The following LARS1 variants were observed in gnomAD, a reference collection of about 807,000 sequenced individuals.
LARS1 encodes the protein leucine--tRNA ligase, cytoplasmic.
A neutral mutation model predicts 162.8 loss-of-function variants in LARS1; 100 were observed. The observed-to-expected ratio is 0.61, with a 90% CI of 0.52 to 0.73. The LOEUF (loss-of-function observed/expected upper bound fraction) is 0.73. Ranked by LOEUF, LARS1 falls within the 30% of genes least tolerant of loss-of-function variation. LARS1 has a pLI of 0.00. For missense variants in LARS1, 1,258 were observed against 1,408.9 expected (o/e 0.89, Z 1.71); for synonymous variants, 457 against 462.8 (o/e 0.99, Z 0.16).
intron 20 of LARS1, among the ~76,000 whole-genome samples, chr5:146,140,499 T>C (rs1028533338): frequency 6.6e-6 from 1 of 152,126 alleles, no homozygotes; most frequent in African/African-American, 2.4e-5. Context: ...CGTATGGATA[T>C]AAAAAGATCT....
Position 146,179,893 on chromosome 5 carries a change from G to A in LARS1, c.7-2228C>T, listed in dbSNP as rs529121926. On this transcript the variant is annotated intron_variant, in intron 1 of 31. Transcript: ENST00000394434. ...GCTGACATTACAGGCTTGAGCCATCGCCTTTGGCCAACTTCCACTTTATTA... is the reference window on the plus strand; with the variant it reads ...GCTGACATTACAGGCTTGAGCCATCACCTTTGGCCAACTTCCACTTTATTA... Among the ~76,000 whole-genome samples the A allele has an allele frequency of 7.9e-5, 12 of 152,300 alleles. No homozygotes were observed. The South Asian group carries it at 1.7e-3, about 21-fold the overall frequency.
Position 146,129,106 on chromosome 5 carries a change from T to C in LARS1, c.2641A>G (p.Met881Val), listed in dbSNP as rs1240005730. The change falls in exon 26 of 32, where the codon ATG becomes GTG. Residue 881 changes from methionine (M) to valine (V), a missense_variant. Physicochemically the swap from Met to Val is conservative, Grantham distance 21. Transcript: ENST00000394434. ...WTLLGKPDSIMNASWPVAGPV... is the reference protein window; with the variant it reads ...WTLLGKPDSIVNASWPVAGPV... The stretch of plus-strand genomic sequence containing the variant: ...CCTGCCACAGGCCATGAAGCATTCA[T>C]AATTGAGTCAGGCTTTTAAAAAAAG... 4.4e-6 allele frequency: 7 copies of C among 1,583,762 alleles called. No homozygotes were observed. Among genetic ancestry groups the C allele is most frequent in the Non-Finnish European group, 6.0e-6 (7 of 1,169,774 alleles).
intron 30 of LARS1, among the ~76,000 whole-genome samples, chr5:146,120,927 G>A (rs555874859): frequency 6.6e-6 from 1 of 152,192 alleles, no homozygotes; most frequent in Non-Finnish European, 1.5e-5. Flanking sequence ...GCTAGTAAGT[G>A]GCAAGGTCAA....
chr5:146,139,716 C>CA (rs1166903224), intron 21 of LARS1: 8 of 151,650 alleles, frequency 5.3e-5, no homozygotes, highest in Admixed American at 6.6e-5. Context: ...ACTAAAAATA[C>CA]AAAAAAAAAT....
Position 146,177,628 on chromosome 5 carries a change from T to A in LARS1, c.44A>T (p.Lys15Met). The A allele has an allele frequency of 6.2e-7, 1 of 1,607,094 alleles. No individual in the cohort carries two copies. Among genetic ancestry groups the A allele is most frequent in the Middle Eastern group, 1.7e-4 (1 of 6,018 alleles). ...TTTCTGTTGGATTTCTTTCTCAATC[T>A]TCTTCAAAAAGTCCACTTTGGCTGT... ...KGTAKVDFLK[K>M]IEKEIQQKWD... Residue 15 changes from lysine (K) to methionine (M), a missense_variant, in exon 2 of 32, where the codon AAG becomes ATG. Lys to Met is a moderately conservative substitution (Grantham distance 95). Transcript: ENST00000394434.
chr5:146,163,300 T>C (rs903752378), intron 6 of LARS1, among the ~76,000 whole-genome samples: 1 of 152,218 alleles, frequency 6.6e-6, no homozygotes, highest in African/African-American at 2.4e-5. Context: ...ATCTTCTATA[T>C]GGACCAAACT....
intron 30 of LARS1, 42 bp downstream of exon 30, chr5:146,122,450 G>T: frequency 1.8e-6 from 2 of 1,103,416 alleles, no homozygotes; most frequent in Non-Finnish European, 2.8e-6. Flanking sequence ...GGTCTCTTCT[G>T]GTTTTAAAAT....
intron 23 of LARS1, 115 bp downstream of exon 23, chr5:146,132,783 A>C (rs1581021740): frequency 2.6e-6 from 2 of 763,756 alleles, no homozygotes; most frequent in Admixed American, 6.0e-5. Context: ...ACTAGCTATT[A>C]TTATCATTAG....
intron 8 of LARS1, among the ~76,000 whole-genome samples, chr5:146,158,335 T>C (rs1428755054): frequency 6.6e-6 from 1 of 152,198 alleles, no homozygotes; most frequent in Non-Finnish European, 1.5e-5. Context: ...TATTAAAACT[T>C]TACTGGGTCT....
chr5:146,144,188 C>G (rs1752910672), intron 18 of LARS1, 79 bp downstream of exon 18: 1 of 1,023,302 alleles, frequency 9.8e-7, no homozygotes, highest in African/African-American at 1.6e-5. Context: ...GAATTGAGGG[C>G]AGGGGGGAAA....
At position 146,153,828 on chromosome 5, in the gene LARS1, G is replaced by A. The variant is rs771510775; in HGVS notation, c.1154-18C>T. ...ACCAGTGCCTTAGAAAACAAAGTGT[G>A]GAATTAATAACTAGAACCAAAATGT... On this transcript the variant is annotated intron_variant, in intron 11 of 31. Transcript: ENST00000394434. 5.6e-6 allele frequency: 9 copies of A among 1,612,616 alleles called. No individual in the cohort carries two copies. The African/African-American group carries it at 1.1e-4, about 19-fold the overall frequency.
In LARS1 at chr5:146,182,487, C is replaced by A; in HGVS notation, c.6+1G>T. 1 of 1,613,952 alleles carries A rather than the reference C, an allele frequency of 6.2e-7. No homozygotes were observed. The highest frequency in any genetic ancestry group is 1.3e-5 in the African/African-American group (1 of 75,024). Reference sequence around the variant, plus strand: ...TGCGGATTCTTCTCGCTCAAACTCACCGCCATTGCACCGCCCAGCCGACTG... The same window carrying A: ...TGCGGATTCTTCTCGCTCAAACTCAACGCCATTGCACCGCCCAGCCGACTG... On this transcript the variant is annotated splice_donor_variant, in intron 1 of 31. Transcript: ENST00000394434. LOFTEE classifies it high-confidence loss of function.
chr5:146,165,039 A>G (rs1162815035), intron 5 of LARS1, among the ~76,000 whole-genome samples: 1 of 152,166 alleles, frequency 6.6e-6, no homozygotes, highest in East Asian at 1.9e-4. Context: ...TATACACCAC[A>G]AAGAGGAAAT....
intron 14 of LARS1, 144 bp downstream of exon 14, chr5:146,151,718 T>C: frequency 2.6e-6 from 2 of 782,368 alleles, no homozygotes; most frequent in Non-Finnish European, 3.9e-6. Flanking sequence ...AATTAGAAAT[T>C]TGGAAATAGA....
chr5:146,150,871 G>A (rs13164882), intron 14 of LARS1, among the ~76,000 whole-genome samples: 33,549 of 150,542 alleles, frequency 0.22, 4,784 homozygotes, highest in Admixed American at 0.34. Context: ...CCCGGAAGTT[G>A]GAGGCTGCAG....
intron 1 of LARS1, among the ~76,000 whole-genome samples, chr5:146,179,115 T>G (rs1754722740): frequency 6.6e-6 from 1 of 151,908 alleles, no homozygotes; most frequent in Admixed American, 6.6e-5. Flanking sequence ...GCCTATAATC[T>G]CAGCTACTCG....
At chr5:146,172,640 C>T (rs376464259) in intron 3 of LARS1, 47 bp downstream of exon 3, 38 of 1,094,702 alleles carry the variant, frequency 3.5e-5, no homozygotes, top group Non-Finnish European at 4.6e-5. Context: ...AAACAATATT[C>T]GTTAAAAACC....
intron 21 of LARS1, among the ~76,000 whole-genome samples, chr5:146,136,101 G>A (rs985832511): frequency 6.6e-6 from 1 of 152,220 alleles, no homozygotes; most frequent in African/African-American, 2.4e-5. Flanking sequence ...CACAAAAATC[G>A]GTTGTTCAAG....
chr5:146,128,711 C>A lies in LARS1; in HGVS notation c.2841G>T (p.Trp947Cys). ...GTAGAACAGACAGGGTGGTATGTTG[C>A]CAAGGTGGATAGTTCTTTGCCACAT... ...TIYVAKNYPP[W>C]QHTTLSVLRK... Residue 947 changes from tryptophan (W) to cysteine (C), a missense_variant, in exon 27 of 32, where the codon TGG becomes TGT. Physicochemically the swap from Trp to Cys is radical, Grantham distance 215. Transcript: ENST00000394434. 1 of 1,591,854 alleles carries A rather than the reference C, an allele frequency of 6.3e-7. No homozygotes were observed. The highest frequency in any genetic ancestry group is 1.2e-5 in the South Asian group (1 of 86,710).
Sources: allele counts gnomAD v4.1 joint callset (sites outside exome capture counted in the v4.1 genomes callset), GRCh38; gene constraint gnomAD v4.1.1; transcripts MANE v1.5; gene names NCBI Gene and HGNC (gene_info 2026-07-23, HGNC 2026-07-21).